Variants in ECT2 observed in about 807,000 individuals in gnomAD.
ECT2 encodes epithelial cell transforming 2, also known as protein ECT2.
In ECT2, 61 loss-of-function variants were observed where a neutral mutation model predicts 116.9. The ratio of observed to expected loss-of-function variants is 0.52; its 90% CI spans 0.42 to 0.65. The LOEUF (loss-of-function observed/expected upper bound fraction) is 0.65, where lower values mean the gene tolerates loss of function less well. Ranked by LOEUF, ECT2 falls within the 30% of genes least tolerant of loss-of-function variation. The pLI is 0.00. For synonymous variants in ECT2, 358 were observed against 346.4 expected, an observed-to-expected ratio of 1.03 and a Z score of -0.37; for missense variants, 937 against 1,078.7, an observed-to-expected ratio of 0.87 and a Z score of 1.84.
intron 11 of ECT2, among the ~76,000 whole-genome samples, chr3:172,763,849 T>C (rs904800641): frequency 6.6e-6 from 1 of 152,228 alleles, no homozygotes; most frequent in Non-Finnish European, 1.5e-5. Flanking sequence ...AATGTGAAGT[T>C]CTTAAAGTTT....
At chr3:172,758,953 C>G in intron 5 of ECT2, 27 bp from the exon 6 acceptor site, 1 of 1,549,128 alleles carries the variant, frequency 6.5e-7, no homozygotes, top group African/African-American at 1.4e-5. Flanking sequence ...AGAGAAAGCT[C>G]ACATTTAAAA....
intron 14 of ECT2, 108 bp downstream of exon 14, chr3:172,774,130 T>C: frequency 1.0e-6 from 1 of 987,350 alleles, no homozygotes; most frequent in Non-Finnish European, 1.5e-6. Context: ...ACCTAAAACT[T>C]CTTATTCCCT....
chr3:172,803,022 T>C, intron 20 of ECT2, 42 bp downstream of exon 20: 1 of 1,529,508 alleles, frequency 6.5e-7, no homozygotes, highest in Non-Finnish European at 8.8e-7. Flanking sequence ...CTACTGATTT[T>C]TGTAAGTTCC....
rs1387629273 is a variant in ECT2, at chr3:172,755,657, G to A, written c.303+82G>A. 2.2e-5 allele frequency: 16 copies of A among 743,078 alleles called. No individual in the cohort carries two copies. The East Asian group carries it at 4.5e-4, about 21-fold the overall frequency. The allele number at this position is 743,078 out of a possible 1,614,324, so 46.0% of individuals were successfully genotyped here. On this transcript the variant is annotated intron_variant, in intron 4 of 24. Coordinates refer to ENST00000392692, the MANE Select transcript of ECT2 (RefSeq NM_001258315.2). ...TCTACTTTCTGGTGATTGGAATTAG[G>A]CACAAGGTGTATTGTGTGCAATCTG...
chr3:172,801,611 C>T (rs1726735454), intron 18 of ECT2, among the ~76,000 whole-genome samples: 2 of 152,218 alleles, frequency 1.3e-5, no homozygotes, highest in South Asian at 4.1e-4. Context: ...GTAATTTGCC[C>T]TGCGGACTAG....
At chr3:172,805,582 A>G (rs541380707) in intron 20 of ECT2, 149 bp from the exon 21 acceptor site, 3 of 731,044 alleles carry the variant, frequency 4.1e-6, no homozygotes, top group Non-Finnish European at 2.1e-6. Flanking sequence ...CTTTTGTTAC[A>G]TAGTAACTCT....
At chr3:172,768,750 C>G (rs1008247966) in intron 12 of ECT2, among the ~76,000 whole-genome samples, 5 of 152,166 alleles carry the variant, frequency 3.3e-5, no homozygotes, top group African/African-American at 1.2e-4. Flanking sequence ...CTTAGTCTTT[C>G]TTTGTTTTTA....
the ECT2 span, among the ~76,000 whole-genome samples, chr3:172,827,319 G>T: frequency 1.3e-5 from 2 of 152,138 alleles, no homozygotes; most frequent in African/African-American, 4.8e-5. Flanking sequence ...TCAAAGAGAT[G>T]TCTGCACTCC....
At chr3:172,751,499 AG>A (rs1308652548) in intron 1 of ECT2, among the ~76,000 whole-genome samples, 2 of 152,238 alleles carry the variant, frequency 1.3e-5, no homozygotes, top group Admixed American at 1.3e-4. Flanking sequence ...CCTGCCTCTT[AG>A]GATTACTGCA....
chr3:172,783,648 A>C lies in ECT2; in HGVS notation c.1618-151A>C. On this transcript the variant is annotated intron_variant, in intron 15 of 24. Transcript: ENST00000392692. ...TTAACTCTTTACTGAGAAATTTATA[A>C]AATAAGTTTGTTCTCAAACATAGAA... 2.1e-5 allele frequency: 12 copies of C among 565,374 alleles called. No individual in the cohort carries two copies. The South Asian group carries it at 2.3e-4, about 11-fold the overall frequency. The allele number at this position is 565,374 out of a possible 1,614,324, so 35.0% of individuals were successfully genotyped here. A position where few individuals can be genotyped will look rare whatever the true frequency, so the allele number is the denominator to read the frequency against.
At chr3:172,764,079 G>A (rs1183553198) in intron 11 of ECT2, among the ~76,000 whole-genome samples, 199 bp from the exon 12 acceptor site, 1 of 152,130 alleles carries the variant, frequency 6.6e-6, no homozygotes, top group African/African-American at 2.4e-5. Context: ...GAAAAATGAG[G>A]TGCTTGAGGT....
intron 4 of ECT2, among the ~76,000 whole-genome samples, chr3:172,755,866 G>A (rs11919022): frequency 0.061 from 9,338 of 152,162 alleles, 963 homozygotes; most frequent in African/African-American, 0.21. Flanking sequence ...GTTTTAGTTT[G>A]CTAGGGCTGC....
downstream of ECT2, chr3:172,821,620 G>C (rs1258903380): frequency 6.6e-6 from 1 of 151,728 alleles, no homozygotes; most frequent in Non-Finnish European, 1.5e-5. Flanking sequence ...TATTTTACGA[G>C]GCTATCTGTA....
rs766619497 is a variant in ECT2, at chr3:172,786,479, T to G, written c.1826-14T>G. 1 of 1,566,036 alleles carries G rather than the reference T, an allele frequency of 6.4e-7. No individual in the cohort carries two copies. The highest frequency in any genetic ancestry group is 8.7e-7 in the Non-Finnish European group (1 of 1,147,394). Reference sequence around the variant, plus strand: ...GAATTTTTTATGCATGGAAAAAACATTGTATTATTACAGATCTTAAGAAGC... The same window carrying G: ...GAATTTTTTATGCATGGAAAAAACAGTGTATTATTACAGATCTTAAGAAGC... On this transcript the variant is annotated splice_polypyrimidine_tract_variant and intron_variant, in intron 17 of 24. Transcript: ENST00000392692.
At position 172,762,424 on chromosome 3, in the gene ECT2, A is replaced by T; in HGVS notation, c.767A>T (p.Tyr256Phe). ...GTGTATTTTGTTTTTAGGGATTTCTATGCAGCAGTTGATGACTTTAGAAAT... is the reference window on the plus strand; with the variant it reads ...GTGTATTTTGTTTTTAGGGATTTCTTTGCAGCAGTTGATGACTTTAGAAAT... ...AWERRNEQDF[Y>F]AAVDDFRNEF... The change falls in exon 9 of 25, where the codon TAT becomes TTT. Residue 256 changes from tyrosine to phenylalanine, a missense_variant. Physicochemically the swap from Tyr to Phe is conservative, Grantham distance 22. Coordinates refer to ENST00000392692, the MANE Select transcript of ECT2 (RefSeq NM_001258315.2). The T allele has an allele frequency of 6.3e-7, 1 of 1,595,264 alleles. No individual in the cohort carries two copies.
At position 172,814,284 on chromosome 3, in the gene ECT2, T is replaced by G. The variant is rs185384495; in HGVS notation, c.2401-1320T>G. ...AACACTTTGTAAAGAGGCTTAACAT[T>G]TCATTTCAAAGTACTTCTATGCATT... On this transcript the variant is annotated intron_variant, in intron 22 of 24. Transcript: ENST00000392692. 2.0e-5 allele frequency among the ~76,000 whole-genome samples: 3 copies of G among 152,198 alleles called. No homozygotes were observed. In the East Asian group the frequency reaches 5.8e-4, roughly 29 times the overall value.
chr3:172,787,272 C>T (rs1201231750), intron 18 of ECT2, among the ~76,000 whole-genome samples: 1 of 152,198 alleles, frequency 6.6e-6, no homozygotes, highest in Non-Finnish European at 1.5e-5. Context: ...CAGGGTGCTT[C>T]TGTATGAGAG....
At chr3:172,803,780 C>T (rs578156260) in intron 20 of ECT2, among the ~76,000 whole-genome samples, 4 of 150,978 alleles carry the variant, frequency 2.6e-5, no homozygotes, top group Non-Finnish European at 5.9e-5. Context: ...CTTTCTCTTT[C>T]TCTGTTTCTG....
At chr3:172,819,022 T>C (rs920825359) in intron 24 of ECT2, among the ~76,000 whole-genome samples, 3 of 152,130 alleles carry the variant, frequency 2.0e-5, no homozygotes, top group African/African-American at 7.2e-5. Flanking sequence ...TTAGGAAAAT[T>C]ATCATTTTAA....
Sources: allele counts gnomAD v4.1 joint callset (sites outside exome capture counted in the v4.1 genomes callset), GRCh38; gene constraint gnomAD v4.1.1; transcripts MANE v1.5; gene names NCBI Gene and HGNC (gene_info 2026-07-23, HGNC 2026-07-21).